Variants in CERKL observed in about 807,000 individuals in gnomAD.
CERKL encodes CERK like autophagy regulator.
A neutral mutation model predicts 63.4 loss-of-function variants in CERKL; 61 were observed. The observed-to-expected ratio is 0.96, with a 90% CI of 0.78 to 1.19. The LOEUF is 1.19. CERKL is among the 50% of genes most tolerant of loss of function. The pLI, the probability that CERKL is intolerant of heterozygous loss-of-function variation, is 0.00. For synonymous variants in CERKL, 250 were observed against 230.5 expected (o/e 1.08, Z -0.77); for missense variants, 675 against 655.5 (o/e 1.03, Z -0.33).
rs187305094 is a variant in CERKL, at chr2:181,653,977, T to C, written c.238+2792A>G. ...ATAACTAACTACTTTGATTGGATAA[T>C]TGTACAACGTAAATATCAAAACATC... On this transcript the variant is annotated intron_variant, in intron 1 of 12. Transcript: ENST00000410087. Among the ~76,000 whole-genome samples the C allele has an allele frequency of 3.7e-4, 57 of 152,324 alleles. 1 individual carries two copies. The highest frequency in any genetic ancestry group is 2.1e-3 in the East Asian group (11 of 5,192).
intron 2 of CERKL, among the ~76,000 whole-genome samples, chr2:181,585,595 C>T (rs1317988698): frequency 6.6e-6 from 1 of 152,056 alleles, no homozygotes; most frequent in African/African-American, 2.4e-5. Context: ...AAACAAGCAA[C>T]CCCTTATTAC....
At chr2:181,620,975 T>C (rs1484234965) in intron 1 of CERKL, among the ~76,000 whole-genome samples, 1 of 152,220 alleles carries the variant, frequency 6.6e-6, no homozygotes, top group Non-Finnish European at 1.5e-5. Flanking sequence ...AGCTTATAAT[T>C]GGTTTGATTT....
intron 2 of CERKL, among the ~76,000 whole-genome samples, chr2:181,586,634 C>A (rs894527424): frequency 6.6e-6 from 1 of 152,162 alleles, no homozygotes; most frequent in Non-Finnish European, 1.5e-5. Context: ...CTTTTTAGCA[C>A]GCCAGTTTGC....
intron 3 of CERKL, among the ~76,000 whole-genome samples, chr2:181,567,776 T>G (rs1688726669): frequency 6.6e-6 from 1 of 152,192 alleles, no homozygotes; most frequent in Admixed American, 6.5e-5. Flanking sequence ...CAAAACAATG[T>G]TAGGCAAAAG....
intron 2 of CERKL, 34 bp from the exon 3 acceptor site, chr2:181,573,918 T>G (rs770589212): frequency 1.9e-6 from 3 of 1,603,396 alleles, no homozygotes; most frequent in Non-Finnish European, 2.6e-6. Context: ...AGTTGTAAAG[T>G]CCTTGTCATC....
Position 181,544,136 on chromosome 2 carries a change from A to T in CERKL, c.1365+564T>A, listed in dbSNP as rs189898872. ...TCAGGTCAAAACAGCTGCCAAAATA[A>T]TATGGCTTGTAATAGTTACTGTTTC... On this transcript the variant is annotated intron_variant, in intron 11 of 12. Transcript: ENST00000410087. 9.8e-4 allele frequency among the ~76,000 whole-genome samples: 149 copies of T among 152,336 alleles called. 1 individual carries two copies. In the South Asian group the frequency reaches 0.015, roughly 16 times the overall value.
At chr2:181,539,001 C>A (rs1314265206) in intron 12 of CERKL, 91 bp downstream of exon 12, 17 of 959,094 alleles carry the variant, frequency 1.8e-5, no homozygotes, top group Non-Finnish European at 2.5e-5. Context: ...AACCAACTGC[C>A]TGCTTTGATA....
Position 181,548,185 on chromosome 2 carries a change from G to A in CERKL, c.1134-338C>T. The A allele has an allele frequency of 5.7e-6, 3 of 521,846 alleles. No individual in the cohort carries two copies. In the South Asian group the frequency reaches 7.5e-5, roughly 13 times the overall value. The allele number at this position is 521,846 out of a possible 1,614,324, so 32.3% of individuals were successfully genotyped here. On this transcript the variant is annotated intron_variant, in intron 8 of 12. Transcript: ENST00000410087. The stretch of plus-strand genomic sequence containing the variant: ...CTGTGTGTTTTGTTCATTTTTTGGT[G>A]CATTGTTGTATTCAAAGTGCCTGGC...
At chr2:181,540,771 T>A (rs1687469000) in intron 11 of CERKL, among the ~76,000 whole-genome samples, 1 of 152,150 alleles carries the variant, frequency 6.6e-6, no homozygotes. Context: ...TGTGAGGGTA[T>A]GTTTGGGGCA....
intron 2 of CERKL, among the ~76,000 whole-genome samples, chr2:181,575,239 G>A (rs543991980): frequency 2.0e-5 from 3 of 152,298 alleles, no homozygotes; most frequent in African/African-American, 4.8e-5. Flanking sequence ...GTTCAAAGGC[G>A]GCTATGGCTC....
At chr2:181,622,276 T>C (rs891071391) in intron 1 of CERKL, among the ~76,000 whole-genome samples, 7 of 152,246 alleles carry the variant, frequency 4.6e-5, no homozygotes, top group Non-Finnish European at 8.8e-5. Context: ...TGCCCCCATG[T>C]TGGGCTGTGC....
chr2:181,573,977 A>G (rs1689019745), intron 2 of CERKL, 93 bp from the exon 3 acceptor site: 1 of 1,153,992 alleles, frequency 8.7e-7, no homozygotes, highest in African/African-American at 1.5e-5. Context: ...TTAGAATGTT[A>G]TATGCATTTA....
intron 4 of CERKL, among the ~76,000 whole-genome samples, chr2:181,561,167 A>C (rs1167744636): frequency 6.6e-6 from 1 of 152,138 alleles, no homozygotes; most frequent in African/African-American, 2.4e-5. Flanking sequence ...CAATTCCAGC[A>C]CTTTGGGAGG....
At chr2:181,627,614 C>T (rs879754620) in intron 1 of CERKL, among the ~76,000 whole-genome samples, 7 of 152,194 alleles carry the variant, frequency 4.6e-5, no homozygotes, top group African/African-American at 9.6e-5. Context: ...TTTCTTTTGA[C>T]GAAAACTAAT....
chr2:181,654,130 T>C (rs1688049098), intron 1 of CERKL, among the ~76,000 whole-genome samples: 1 of 151,988 alleles, frequency 6.6e-6, no homozygotes, highest in Admixed American at 6.6e-5. Flanking sequence ...TGCATAACTT[T>C]ATATCACACA....
intron 12 of CERKL, among the ~76,000 whole-genome samples, 182 bp from the exon 13 acceptor site, chr2:181,538,426 C>G (rs748439781): frequency 2.0e-5 from 3 of 152,070 alleles, no homozygotes; most frequent in Non-Finnish European, 4.4e-5. Context: ...AATAATTGCT[C>G]TAAAACCTCC....
intron 1 of CERKL, among the ~76,000 whole-genome samples, chr2:181,634,487 G>A (rs1687093041): frequency 6.6e-6 from 1 of 151,966 alleles, no homozygotes; most frequent in African/African-American, 2.4e-5. Context: ...GTCTCATTAA[G>A]GTGAAAAAAA....
rs1387835815 is a variant in CERKL at position 181,573,885 on chromosome 2, C to T, written c.482-1G>A. On this transcript the variant is annotated splice_acceptor_variant, in intron 2 of 12. Coordinates refer to ENST00000410087, the MANE Select transcript of CERKL (RefSeq NM_201548.5). LOFTEE classifies it high-confidence loss of function. Reference sequence around the variant, plus strand: ...AATGACTTCGGTCTGTTTGGAAAGCCTAAGAAGAAATTTTAAAGACAAAGT... The same window carrying T: ...AATGACTTCGGTCTGTTTGGAAAGCTTAAGAAGAAATTTTAAAGACAAAGT... 1 of 1,611,950 alleles carries T rather than the reference C, an allele frequency of 6.2e-7. No homozygotes were observed. Among genetic ancestry groups the T allele is most frequent in the Non-Finnish European group, 8.5e-7 (1 of 1,179,106 alleles).
intron 1 of CERKL, among the ~76,000 whole-genome samples, chr2:181,633,931 T>C (rs1346902890): frequency 6.6e-6 from 1 of 152,164 alleles, no homozygotes; most frequent in East Asian, 1.9e-4. Flanking sequence ...AACTACTACA[T>C]ACTTATCAAA....
Sources: gnomAD v4.1 joint callset for allele counts (sites outside exome capture counted in the v4.1 genomes callset) on GRCh38, gnomAD v4.1.1 for gene constraint, MANE v1.5 for transcripts, NCBI Gene and HGNC (gene_info 2026-07-23, HGNC 2026-07-21) for gene names.